Variants in ZBTB17 observed in about 807,000 individuals in gnomAD.
ZBTB17 encodes the protein zinc finger and BTB domain-containing protein 17.
In ZBTB17, 24 loss-of-function variants were observed where a neutral mutation model predicts 85.1. The ratio of observed to expected loss-of-function variants is 0.28; its 90% CI spans 0.20 to 0.40. The LOEUF (loss-of-function observed/expected upper bound fraction) is 0.40, where lower values mean the gene tolerates loss of function less well. Ranked by LOEUF, ZBTB17 falls within the 10% of genes least tolerant of loss-of-function variation. The probability of loss-of-function intolerance (pLI) is 1.00; values close to 1 mark genes in which losing one functional copy is unlikely to be tolerated. For synonymous variants in ZBTB17, 464 were observed against 460.2 expected, an observed-to-expected ratio of 1.01 and a Z score of -0.11; for missense variants, 743 against 1,105.1, an observed-to-expected ratio of 0.67 and a Z score of 4.65.
At chr1:15,969,732 G>A in intron 2 of ZBTB17, 1 of 486,546 alleles carries the variant, frequency 2.1e-6, no homozygotes, top group Non-Finnish European at 4.0e-6. Context: ...GGGAGTCTGT[G>A]GGAGCACTCA....
At chr1:15,960,398 G>A (rs1159658033) in intron 2 of ZBTB17, among the ~76,000 whole-genome samples, 2 of 152,158 alleles carry the variant, frequency 1.3e-5, no homozygotes, top group Admixed American at 1.3e-4. Context: ...GCTTGAACTT[G>A]TTCTTAATTT....
rs2071873267 is a variant in ZBTB17, at chr1:15,952,015, T to G, written c.-2-3518A>C. On this transcript the variant is annotated intron_variant, in intron 2 of 15. Transcript: ENST00000375743. The surrounding 1 kb of genome is among the most constrained non-coding windows in gnomAD (Gnocchi z 4.3). ...ACGGTGCCCATCGCTCAAGCACAAGTGTCAAGGTCTGTGGTCTTGTCTTCA... is the reference window on the plus strand; with the variant it reads ...ACGGTGCCCATCGCTCAAGCACAAGGGTCAAGGTCTGTGGTCTTGTCTTCA... Among the ~76,000 whole-genome samples the G allele has an allele frequency of 6.6e-6, 1 of 152,132 alleles. No individual in the cohort carries two copies. The highest frequency in any genetic ancestry group is 2.4e-5 in the African/African-American group (1 of 41,410).
At chr1:15,944,162 C>T (rs1196108084) in intron 9 of ZBTB17, 138 bp downstream of exon 9, 18 of 1,307,282 alleles carry the variant, frequency 1.4e-5, no homozygotes, top group East Asian at 1.0e-4. Context: ...GCTCTCGCTG[C>T]GCCTGTTTCC....
intron 2 of ZBTB17, among the ~76,000 whole-genome samples, chr1:15,971,434 C>CTATAT (rs1557799544): frequency 2.0e-4 from 23 of 117,708 alleles, no homozygotes; most frequent in Admixed American, 1.4e-3. Context: ...TATATACACA[C>CTATAT]ACACTATATA....
intron 2 of ZBTB17, among the ~76,000 whole-genome samples, chr1:15,967,191 C>A (rs747324760): frequency 6.6e-6 from 1 of 151,786 alleles, no homozygotes; most frequent in Admixed American, 6.6e-5. Context: ...GCCTGGGCAA[C>A]GTGGCGAAAC....
At chr1:15,965,449 GA>G (rs2072409146) in intron 2 of ZBTB17, among the ~76,000 whole-genome samples, 1 of 152,182 alleles carries the variant, frequency 6.6e-6, no homozygotes, top group Admixed American at 6.5e-5. Flanking sequence ...GTTGAAGTCT[GA>G]AAATACCATT....
chr1:15,969,104 G>A (rs9429280), intron 2 of ZBTB17, among the ~76,000 whole-genome samples: 7,933 of 152,236 alleles, frequency 0.052, 281 homozygotes, highest in South Asian at 0.16. Context: ...CAGATCAGCA[G>A]CAGCATTAGA....
chr1:15,968,522 C>T (rs190934398), intron 2 of ZBTB17, among the ~76,000 whole-genome samples: 289 of 152,260 alleles, frequency 1.9e-3, no homozygotes, highest in African/African-American at 6.6e-3. Flanking sequence ...GCTAAGAAGT[C>T]GCAGGGGAGG....
chr1:15,948,336 C>G lies in ZBTB17; in HGVS notation c.160G>C (p.Val54Leu), dbSNP rs150759933. 6.2e-7 allele frequency: 1 copy of G among 1,613,980 alleles called. No individual in the cohort carries two copies. Among genetic ancestry groups the G allele is most frequent in the Non-Finnish European group, 8.5e-7 (1 of 1,180,052 alleles). Residue 54 changes from valine (V) to leucine (L), a missense_variant, in exon 3 of 16, where the codon GTG (valine) becomes CTG (leucine). Val to Leu is a conservative substitution (Grantham distance 32, BLOSUM62 1). Coordinates refer to ENST00000375743, the MANE Select transcript of ZBTB17 (RefSeq NM_003443.3). The part of the protein sequence containing the change: ...ACSEYFKMLF[V>L]DQKDVVHLDI... ...AGGTGCACCACGTCCTTCTGGTCCACGAAGAGCATCTTGAAGTACTCGCTG... is the reference window on the plus strand; with the variant it reads ...AGGTGCACCACGTCCTTCTGGTCCAGGAAGAGCATCTTGAAGTACTCGCTG...
chr1:15,943,000 C>A, intron 13 of ZBTB17, 64 bp downstream of exon 13: 1 of 1,598,472 alleles, frequency 6.3e-7, no homozygotes, highest in Non-Finnish European at 8.5e-7. Flanking sequence ...CCCTTCCTTC[C>A]CCCTGCTCCC....
chr1:15,972,874 T>C (rs2072735336), intron 2 of ZBTB17, among the ~76,000 whole-genome samples, 165 bp downstream of exon 2: 3 of 152,174 alleles, frequency 2.0e-5, no homozygotes, highest in Non-Finnish European at 4.4e-5. Context: ...AAAACAATAA[T>C]AGTAAGATCA....
chr1:15,951,210 A>T lies in ZBTB17; in HGVS notation c.-2-2713T>A, dbSNP rs768955124. Among the ~76,000 whole-genome samples, 2 of 152,178 alleles carry T rather than the reference A, an allele frequency of 1.3e-5. No individual in the cohort carries two copies. The highest frequency in any genetic ancestry group is 2.4e-5 in the African/African-American group (1 of 41,454). On this transcript the variant is annotated intron_variant, in intron 2 of 15. Transcript: ENST00000375743. The surrounding 1 kb of genome is among the most constrained non-coding windows in gnomAD (Gnocchi z 4.1). ...ATCCTCTGAGGCTGCCCCAGCAGAGAAACGCACCAAAAGGGAAGAAAACAG... is the reference window on the plus strand; with the variant it reads ...ATCCTCTGAGGCTGCCCCAGCAGAGTAACGCACCAAAAGGGAAGAAAACAG...
intron 2 of ZBTB17, among the ~76,000 whole-genome samples, chr1:15,965,755 C>G (rs60614030): frequency 1.3e-5 from 2 of 152,128 alleles, no homozygotes; most frequent in South Asian, 4.1e-4. Flanking sequence ...CTCTATGCAA[C>G]GTGGATTAAT....
At chr1:15,959,924 T>A (rs1473058890) in intron 2 of ZBTB17, among the ~76,000 whole-genome samples, 1 of 152,192 alleles carries the variant, frequency 6.6e-6, no homozygotes, top group Non-Finnish European at 1.5e-5. Flanking sequence ...AAAAAATTTC[T>A]CATGAGGGAA....
In ZBTB17 at chr1:15,945,765, C is replaced by CCACT; in HGVS notation, c.607_610dup (p.Gly204GlufsTer9). 1 of 1,606,408 alleles carries CCACT rather than the reference C, an allele frequency of 6.2e-7. No individual in the cohort carries two copies. The highest frequency in any genetic ancestry group is 8.5e-7 in the Non-Finnish European group (1 of 1,179,810). The stretch of plus-strand genomic sequence containing the variant: ...GGCCTCAGCTTCTGCAGCAGCCATG[C>CCACT]CACTCGTGGGGTCTGGCTTGAGCTC... On this transcript the variant is annotated frameshift_variant, in exon 6 of 16. Coordinates refer to ENST00000375743, the MANE Select transcript of ZBTB17 (RefSeq NM_003443.3). LOFTEE classifies it high-confidence loss of function.
In ZBTB17 at chr1:15,961,804, TG is replaced by T. The variant is rs1253501183; in HGVS notation, c.-3+11234del. Reference sequence around the variant, plus strand: ...CCTGGTCCTAGTAAGACCAGGGAGGTGGGGGGAATGGGATGGAGACGGAGGC... The same window carrying T: ...CCTGGTCCTAGTAAGACCAGGGAGGTGGGGGAATGGGATGGAGACGGAGGC... On this transcript the variant is annotated intron_variant, in intron 2 of 15. Coordinates refer to ENST00000375743, the MANE Select transcript of ZBTB17 (RefSeq NM_003443.3). Among the ~76,000 whole-genome samples the T allele has an allele frequency of 2.0e-5, 3 of 151,010 alleles. No individual in the cohort carries two copies. The South Asian group carries it at 6.3e-4, about 32-fold the overall frequency.
chr1:15,960,881 A>G (rs1021356888), intron 2 of ZBTB17, among the ~76,000 whole-genome samples: 2 of 152,236 alleles, frequency 1.3e-5, no homozygotes, highest in Non-Finnish European at 2.9e-5. Flanking sequence ...GTAACTGCCA[A>G]GGTCCCTTGT....
intron 2 of ZBTB17, among the ~76,000 whole-genome samples, chr1:15,970,478 G>A (rs571524835): frequency 7.8e-5 from 11 of 141,368 alleles, no homozygotes; most frequent in South Asian, 4.6e-4. Flanking sequence ...TGCAACCTCC[G>A]CCTCCCGGGT....
rs1557782737 is a variant in ZBTB17, at chr1:15,952,122, T to G, written c.-2-3625A>C. Among the ~76,000 whole-genome samples the G allele has an allele frequency of 6.6e-6, 1 of 152,104 alleles. No homozygotes were observed. The highest frequency in any genetic ancestry group is 1.5e-5 in the Non-Finnish European group (1 of 68,024). ...CCTAAAACCTTAGAACCATAGAAAA[T>G]GCCAACAGAACGAGACCACAGAGCC... On this transcript the variant is annotated intron_variant, in intron 2 of 15. Coordinates refer to ENST00000375743, the MANE Select transcript of ZBTB17 (RefSeq NM_003443.3). This position sits in a 1 kb window ranked among gnomAD's most constrained non-coding sequence, Gnocchi z 4.3.
Sources: allele counts gnomAD v4.1 joint callset (sites outside exome capture counted in the v4.1 genomes callset), GRCh38; gene constraint gnomAD v4.1.1; non-coding constraint Gnocchi (gnomAD v3.1); transcripts MANE v1.5; gene names NCBI Gene and HGNC (gene_info 2026-07-23, HGNC 2026-07-21).